Variants in STX11 observed in about 807,000 individuals in gnomAD.
The protein encoded by STX11 is syntaxin 11.
Under a neutral mutation model 19.9 loss-of-function variants are expected in STX11, and 21 were observed. The observed-to-expected ratio is 1.06, with a 90% confidence interval of 0.75 to 1.52. The LOEUF (loss-of-function observed/expected upper bound fraction) is 1.52, where lower values mean the gene tolerates loss of function less well. STX11 is among the 40% of genes most tolerant of loss of function. STX11 has a pLI of 0.00. For missense variants in STX11, 438 were observed against 405.9 expected, an observed-to-expected ratio of 1.08 and a Z score of -0.68; for synonymous variants, 193 against 174.4, an observed-to-expected ratio of 1.11 and a Z score of -0.84.
In STX11 at chr6:144,150,629, A is replaced by T; in HGVS notation, c.-80A>T. The T allele has an allele frequency of 1.0e-6, 1 of 984,896 alleles. No homozygotes were observed. 61.0% of individuals were successfully genotyped at this position (984,896 alleles called of 1,614,324 possible). The stretch of plus-strand genomic sequence containing the variant: ...AGTCGCGCAACAGGTTTCCTTCTCC[A>T]TCGCTGCGCCCACAGGGGACGCGCG... On this transcript the variant is annotated 5_prime_UTR_variant, in exon 1 of 2. Coordinates refer to ENST00000367568, the MANE Select transcript of STX11 (RefSeq NM_003764.4).
At position 144,191,637 on chromosome 6, in the gene STX11, C is replaced by T. The variant is rs564603726; in HGVS notation, c.*4146C>T. On this transcript the variant is annotated 3_prime_UTR_variant, in exon 2 of 2. Transcript: ENST00000367568. ...TTTCTACTCCTTTCTTTGAAGTATG[C>T]GAAGTATCTCCAACTGCAGCATGCA... Among the ~76,000 whole-genome samples the T allele has an allele frequency of 7.9e-5, 12 of 151,992 alleles. No individual in the cohort carries two copies. The highest frequency in any genetic ancestry group is 2.7e-4 in the African/African-American group (11 of 41,364).
chr6:144,153,701 C>T lies in STX11; in HGVS notation c.-6+2998C>T, dbSNP rs867877269. Among the ~76,000 whole-genome samples, 1 of 152,112 alleles carries T rather than the reference C, an allele frequency of 6.6e-6. No individual in the cohort carries two copies. The highest frequency in any genetic ancestry group is 2.4e-5 in the African/African-American group (1 of 41,408). On this transcript the variant is annotated intron_variant, in intron 1 of 1. Coordinates refer to ENST00000367568, the MANE Select transcript of STX11 (RefSeq NM_003764.4). The surrounding 1 kb of genome is among the most constrained non-coding windows in gnomAD (Gnocchi z 5.0). ...AACTGTTGTCATATTGCAGATGGGA[C>T]ATTGAAGAAGGCCTGAATCGGGCAG...
At position 144,160,241 on chromosome 6, in the gene STX11, G is replaced by A. The variant is rs1019665627; in HGVS notation, c.-6+9538G>A. 6.6e-6 allele frequency among the ~76,000 whole-genome samples: 1 copy of A among 152,022 alleles called. No homozygotes were observed. The highest frequency in any genetic ancestry group is 2.4e-5 in the African/African-American group (1 of 41,382). On this transcript the variant is annotated intron_variant, in intron 1 of 1. Coordinates refer to ENST00000367568, the MANE Select transcript of STX11 (RefSeq NM_003764.4). The surrounding 1 kb of genome is among the most constrained non-coding windows in gnomAD (Gnocchi z 4.3). ...GGCTGGTCTCGAACTCCTGACCTCA[G>A]GTGAACCGCCTGCCTCAGCCTACCA...
rs1184467972 is a variant in STX11 at position 144,186,700 on chromosome 6, G to T, written c.73G>T (p.Glu25Ter). 2 of 1,614,220 alleles carry T rather than the reference G, an allele frequency of 1.2e-6. No individual in the cohort carries two copies. The highest frequency in any genetic ancestry group is 3.3e-5 in the Admixed American group (2 of 60,032). Reference protein sequence around the residue: ...YDQQFPDGDDEFDSPHEDIVF... With the variant: ...YDQQFPDGDD Reference sequence around the variant, plus strand: ...CCAGCAGTTCCCAGACGGGGACGATGAGTTTGACTCGCCCCACGAGGACAT... The same window carrying T: ...CCAGCAGTTCCCAGACGGGGACGATTAGTTTGACTCGCCCCACGAGGACAT... Residue 25 changes from glutamate (E) to a stop codon, truncating the protein, a stop_gained, in exon 2 of 2, where the codon GAG becomes TAG. Transcript: ENST00000367568. LOFTEE classifies it high-confidence loss of function.
rs1044304925 is a variant in STX11 at position 144,153,470 on chromosome 6, G to A, written c.-6+2767G>A. 1.3e-5 allele frequency among the ~76,000 whole-genome samples: 2 copies of A among 152,202 alleles called. No homozygotes were observed. The highest frequency in any genetic ancestry group is 4.8e-5 in the African/African-American group (2 of 41,458). On this transcript the variant is annotated intron_variant, in intron 1 of 1. Transcript: ENST00000367568. The surrounding 1 kb of genome is among the most constrained non-coding windows in gnomAD (Gnocchi z 5.0). ...AGCACTGGACGTTCAGGAAACTCCA[G>A]CCTGTTTAGTGACGGCACAGAGGGA...
In STX11 at chr6:144,153,082, C is replaced by T. The variant is rs1485903778; in HGVS notation, c.-6+2379C>T. On this transcript the variant is annotated intron_variant, in intron 1 of 1. Transcript: ENST00000367568. This position sits in a 1 kb window ranked among gnomAD's most constrained non-coding sequence, Gnocchi z 5.0. The stretch of plus-strand genomic sequence containing the variant: ...CACAGTTTACTGTTGCAATTGAAAT[C>T]TGCTGAGATGCTTTTGAACTGGATG... 1.3e-5 allele frequency among the ~76,000 whole-genome samples: 2 copies of T among 152,188 alleles called. No individual in the cohort carries two copies. Among genetic ancestry groups the T allele is most frequent in the Non-Finnish European group, 2.9e-5 (2 of 68,036 alleles).
At chr6:144,140,786 A>G in the STX11 span, 1 of 985,422 alleles carries the variant, frequency 1.0e-6, no homozygotes, top group Non-Finnish European at 1.2e-6. Flanking sequence ...GAAGAAGAGA[A>G]GAAAGCCAGA....
rs920633149 is a variant in STX11 at position 144,191,670 on chromosome 6, C to A, written c.*4179C>A. On this transcript the variant is annotated 3_prime_UTR_variant, in exon 2 of 2. Coordinates refer to ENST00000367568, the MANE Select transcript of STX11 (RefSeq NM_003764.4). The stretch of plus-strand genomic sequence containing the variant: ...CTCCAACTGCAGCATGCAACTCATT[C>A]ATTTGTAATCAAGACGATAGTTTGA... Among the ~76,000 whole-genome samples the A allele has an allele frequency of 2.0e-5, 3 of 152,176 alleles. No homozygotes were observed. The highest frequency in any genetic ancestry group is 4.4e-5 in the Non-Finnish European group (3 of 68,034).
rs1801607412 is a variant in STX11, at chr6:144,170,749, AAAT to A, written c.-5-15871_-5-15869del. 3.3e-5 allele frequency among the ~76,000 whole-genome samples: 5 copies of A among 152,204 alleles called. No homozygotes were observed. In the South Asian group the frequency reaches 8.3e-4, roughly 25 times the overall value. ...CACTTATGATCATAGATGAGACAGAAAATAAACTGTTAGTAGTGTAATTAACAA... is the reference window on the plus strand; with the variant it reads ...CACTTATGATCATAGATGAGACAGAAAAACTGTTAGTAGTGTAATTAACAA... On this transcript the variant is annotated intron_variant, in intron 1 of 1. Transcript: ENST00000367568. This position sits in a 1 kb window ranked among gnomAD's most constrained non-coding sequence, Gnocchi z 4.7.
chr6:144,173,241 A>G (rs1457879633), intron 1 of STX11, among the ~76,000 whole-genome samples: 1 of 152,176 alleles, frequency 6.6e-6, no homozygotes, highest in Non-Finnish European at 1.5e-5. Context: ...AATTCTCTTA[A>G]AAACTTTGTG....
intron 1 of STX11, among the ~76,000 whole-genome samples, chr6:144,186,051 TTTC>T (rs1802019246): frequency 7.0e-6 from 1 of 143,552 alleles, no homozygotes; most frequent in East Asian, 2.2e-4. Flanking sequence ...CTTCTTCTTT[TTTC>T]TTTTTTTTTT....
the STX11 span, among the ~76,000 whole-genome samples, chr6:144,144,725 T>C: frequency 1.3e-5 from 2 of 152,334 alleles, no homozygotes; most frequent in African/African-American, 4.8e-5. Flanking sequence ...TATGGTAAAG[T>C]ACAGTGTAAA....
chr6:144,181,330 C>G (rs895639041), intron 1 of STX11, among the ~76,000 whole-genome samples: 1 of 152,174 alleles, frequency 6.6e-6, no homozygotes, highest in South Asian at 2.1e-4. Context: ...TGCAGTGGCT[C>G]ATGCCTGTAA....
rs182307860 is a variant in STX11 at position 144,165,150 on chromosome 6, T to C, written c.-6+14447T>C. ...CTTTGACAGGTGTAATGCAATATAT[T>C]CACTTTGAAGAAAAATTTTCTTGGC... On this transcript the variant is annotated intron_variant, in intron 1 of 1. Coordinates refer to ENST00000367568, the MANE Select transcript of STX11 (RefSeq NM_003764.4). This position sits in a 1 kb window ranked among gnomAD's most constrained non-coding sequence, Gnocchi z 5.8. Among the ~76,000 whole-genome samples, 51 of 152,228 alleles carry C rather than the reference T, an allele frequency of 3.4e-4. No individual in the cohort carries two copies. The highest frequency in any genetic ancestry group is 1.2e-3 in the African/African-American group (51 of 41,546).
Position 144,171,393 on chromosome 6 carries a change from T to C in STX11, c.-5-15230T>C, listed in dbSNP as rs77165844. 4.5e-3 allele frequency among the ~76,000 whole-genome samples: 684 copies of C among 152,352 alleles called. 5 individuals carry two copies. The highest frequency in any genetic ancestry group is 0.016 in the African/African-American group (660 of 41,578). On this transcript the variant is annotated intron_variant, in intron 1 of 1. Transcript: ENST00000367568. ...GAAACTTCTCTGGTCCAGTCTTTGA[T>C]GATGAAGGAAACTTTGGGATGTGGC...
Position 144,191,912 on chromosome 6 carries a change from T to C in STX11, c.*4421T>C, listed in dbSNP as rs1208307159. On this transcript the variant is annotated 3_prime_UTR_variant, in exon 2 of 2. Coordinates refer to ENST00000367568, the MANE Select transcript of STX11 (RefSeq NM_003764.4). ...AGAAGCTTTTGTAAAGTCATGTGTC[T>C]ATTGATAATAAAGATTTTCGGAACT... is the stretch of plus-strand genomic sequence containing the variant. Among the ~76,000 whole-genome samples the C allele has an allele frequency of 6.6e-6, 1 of 152,248 alleles. No homozygotes were observed. Among genetic ancestry groups the C allele is most frequent in the Non-Finnish European group, 1.5e-5 (1 of 68,046 alleles).
chr6:144,140,227 T>A, the STX11 span, among the ~76,000 whole-genome samples: 164 of 40,362 alleles, frequency 4.1e-3, 3 homozygotes, highest in African/African-American at 0.026. Flanking sequence ...TATATATATA[T>A]ATATATATAT....
At position 144,160,688 on chromosome 6, in the gene STX11, A is replaced by T. The variant is rs185838922; in HGVS notation, c.-6+9985A>T. Among the ~76,000 whole-genome samples, 1 of 152,312 alleles carries T rather than the reference A, an allele frequency of 6.6e-6. No homozygotes were observed. Among genetic ancestry groups the T allele is most frequent in the East Asian group, 1.9e-4 (1 of 5,180 alleles). On this transcript the variant is annotated intron_variant, in intron 1 of 1. Transcript: ENST00000367568. The surrounding 1 kb of genome is among the most constrained non-coding windows in gnomAD (Gnocchi z 4.3). The stretch of plus-strand genomic sequence containing the variant: ...TTCACCATAAAGCAGCACTTACTAG[A>T]TGTAGGTGGAGTTATGTAATCCTCT...
At position 144,183,987 on chromosome 6, in the gene STX11, G is replaced by A. The variant is rs1305953975; in HGVS notation, c.-5-2636G>A. On this transcript the variant is annotated intron_variant, in intron 1 of 1. Transcript: ENST00000367568. The surrounding 1 kb of genome is among the most constrained non-coding windows in gnomAD (Gnocchi z 4.6). ...TATAAGTGAGAACATGCAGTGTTTG[G>A]TTTTCTGTTCCTGCATTAGTTTGCT... Among the ~76,000 whole-genome samples, 1 of 152,110 alleles carries A rather than the reference G, an allele frequency of 6.6e-6. No individual in the cohort carries two copies. The highest frequency in any genetic ancestry group is 1.5e-5 in the Non-Finnish European group (1 of 68,026).
Sources: gnomAD v4.1 joint callset for allele counts (sites outside exome capture counted in the v4.1 genomes callset) on GRCh38, gnomAD v4.1.1 for gene constraint, Gnocchi (gnomAD v3.1) non-coding constraint, MANE v1.5 for transcripts, NCBI Gene and HGNC (gene_info 2026-07-23, HGNC 2026-07-21) for gene names.